Variants in EHBP1 observed in about 807,000 individuals in gnomAD.
EHBP1 encodes EH domain binding protein 1.
A neutral mutation model predicts 144.0 loss-of-function variants in EHBP1; 55 were observed. That is an observed-to-expected ratio of 0.38 (90% CI 0.31 to 0.48). The LOEUF is 0.48. EHBP1 is among the 20% of genes least tolerant of loss of function. The probability of loss-of-function intolerance (pLI) is 0.98; values close to 1 mark genes in which losing one functional copy is unlikely to be tolerated. For synonymous variants in EHBP1, 469 were observed against 472.7 expected (o/e 0.99, Z 0.10); for missense variants, 1,200 against 1,364.2 (o/e 0.88, Z 1.90).
intron 7 of EHBP1, among the ~76,000 whole-genome samples, chr2:62,835,192 C>T (rs1573603255): frequency 2.0e-5 from 3 of 152,112 alleles, no homozygotes; most frequent in Non-Finnish European, 4.4e-5. Context: ...CTTTTATATA[C>T]AGCATTTGGT....
chr2:62,845,486 A>G (rs1394557304), intron 7 of EHBP1, among the ~76,000 whole-genome samples: 1 of 152,108 alleles, frequency 6.6e-6, no homozygotes, highest in African/African-American at 2.4e-5. Flanking sequence ...TGATGGTATG[A>G]CTCAGCCCTC....
intron 7 of EHBP1, chr2:62,858,380 T>A (rs372525590): frequency 6.0e-6 from 9 of 1,500,452 alleles, no homozygotes; most frequent in Non-Finnish European, 8.3e-6. Flanking sequence ...TACCTTATAT[T>A]TGTCTTGACT....
At chr2:62,785,607 A>G (rs185429188) in intron 5 of EHBP1, among the ~76,000 whole-genome samples, 106 of 152,296 alleles carry the variant, frequency 7.0e-4, no homozygotes, top group Non-Finnish European at 4.4e-4. Flanking sequence ...AAAGATATCC[A>G]GAAGGCAGTT....
intron 14 of EHBP1, among the ~76,000 whole-genome samples, chr2:62,976,639 T>C (rs559314015): frequency 1.1e-3 from 166 of 152,320 alleles, no homozygotes; most frequent in African/African-American, 3.7e-3. Context: ...ATGTTTTACA[T>C]GTTTTAGTCA....
At chr2:63,019,675 C>G (rs2060622341) in intron 19 of EHBP1, among the ~76,000 whole-genome samples, 1 of 150,292 alleles carries the variant, frequency 6.7e-6, no homozygotes, top group Non-Finnish European at 1.5e-5. Context: ...CCATTGCACT[C>G]CAGCCTGGGC....
At chr2:62,811,974 G>T (rs1331033263) in intron 5 of EHBP1, among the ~76,000 whole-genome samples, 1 of 152,198 alleles carries the variant, frequency 6.6e-6, no homozygotes, top group African/African-American at 2.4e-5. Flanking sequence ...GGACCTTTAA[G>T]AGGTGATTAG....
intron 5 of EHBP1, chr2:62,771,937 G>A (rs1016153050): frequency 1.3e-5 from 2 of 152,098 alleles, no homozygotes; most frequent in South Asian, 4.1e-4. Context: ...GTGAAACCCT[G>A]TCTCTACTAA....
At chr2:62,978,139 A>G (rs2058798211) in intron 14 of EHBP1, among the ~76,000 whole-genome samples, 1 of 151,806 alleles carries the variant, frequency 6.6e-6, no homozygotes, top group South Asian at 2.1e-4. Context: ...CATATTTTAT[A>G]TGCTTTTCAA....
At chr2:62,889,047 C>CTTTTTTTTTTTTTTTTTTTTTTTTTTTT (rs71410971) in intron 10 of EHBP1, among the ~76,000 whole-genome samples, 1 of 39,678 alleles carries the variant, frequency 2.5e-5, no homozygotes, top group Non-Finnish European at 4.3e-5. Flanking sequence ...GTAGGTACCT[C>CTTTTTTTTTTTTTTTTTTTTTTTTTTTT]TTTTTTTTTT....
intron 14 of EHBP1, among the ~76,000 whole-genome samples, chr2:62,968,894 G>A (rs2058366564): frequency 1.3e-5 from 2 of 152,092 alleles, no homozygotes; most frequent in Admixed American, 1.3e-4. Context: ...GCATTTGTTG[G>A]GCCAGATCTA....
At chr2:62,871,697 G>T (rs1434469162) in intron 9 of EHBP1, among the ~76,000 whole-genome samples, 1 of 152,140 alleles carries the variant, frequency 6.6e-6, no homozygotes, top group Non-Finnish European at 1.5e-5. Flanking sequence ...TGTATACTCT[G>T]ACATTAAACT....
chr2:63,025,677 G>A (rs182501053), intron 19 of EHBP1, among the ~76,000 whole-genome samples: 2 of 152,116 alleles, frequency 1.3e-5, no homozygotes, highest in East Asian at 3.9e-4. Context: ...GAACTATTGG[G>A]GTACCATGAT....
At chr2:62,875,726 C>G (rs1248284328) in intron 10 of EHBP1, among the ~76,000 whole-genome samples, 1 of 152,052 alleles carries the variant, frequency 6.6e-6, no homozygotes, top group Non-Finnish European at 1.5e-5. Context: ...GAAATGTAAT[C>G]CAAGGAATCC....
intron 14 of EHBP1, among the ~76,000 whole-genome samples, chr2:62,972,622 AG>A (rs1434992175): frequency 6.6e-6 from 1 of 152,128 alleles, no homozygotes; most frequent in African/African-American, 2.4e-5. Context: ...TTTTGTCTTA[AG>A]GGAAGTTAAA....
At chr2:63,020,967 C>T (rs1277565846) in intron 19 of EHBP1, among the ~76,000 whole-genome samples, 2 of 147,060 alleles carry the variant, frequency 1.4e-5, no homozygotes, top group Non-Finnish European at 3.0e-5. Context: ...TATGAGCCAC[C>T]GTGCCTGGCC....
intron 19 of EHBP1, among the ~76,000 whole-genome samples, chr2:63,000,613 C>G (rs981686059): frequency 2.0e-5 from 3 of 152,090 alleles, no homozygotes; most frequent in Non-Finnish European, 4.4e-5. Context: ...AGGATAATCT[C>G]TTGAACCTGG....
At chr2:62,699,742 C>T (rs72888914) in intron 1 of EHBP1, among the ~76,000 whole-genome samples, 2,580 of 152,274 alleles carry the variant, frequency 0.017, 71 homozygotes, top group African/African-American at 0.058. Context: ...ATCATTGTTG[C>T]CTGCAATATA....
At chr2:63,002,090 A>G (rs759289255) in intron 19 of EHBP1, among the ~76,000 whole-genome samples, 2 of 152,210 alleles carry the variant, frequency 1.3e-5, no homozygotes, top group Non-Finnish European at 2.9e-5. Flanking sequence ...CATTTGGGAT[A>G]ATAAAAAGGA....
At chr2:62,965,078 A>T (rs1240727935) in intron 14 of EHBP1, 1 of 152,578 alleles carries the variant, frequency 6.6e-6, no homozygotes, top group Non-Finnish European at 1.5e-5. Context: ...TGATTAGTTT[A>T]ATTGGTCTTT....
Sources: gnomAD v4.1 joint callset for allele counts (sites outside exome capture counted in the v4.1 genomes callset) on GRCh38, gnomAD v4.1.1 for gene constraint, MANE v1.5 for transcripts, NCBI Gene and HGNC (gene_info 2026-07-23, HGNC 2026-07-21) for gene names.